The following PDE3A variants were observed in gnomAD, a reference collection of about 807,000 sequenced individuals.
PDE3A encodes the protein cGMP-inhibited 3',5'-cyclic phosphodiesterase 3A.
Under a neutral mutation model 98.3 loss-of-function variants are expected in PDE3A, and 43 were observed. The observed-to-expected ratio is 0.44, with a 90% confidence interval of 0.34 to 0.56. The LOEUF (loss-of-function observed/expected upper bound fraction) is 0.56. PDE3A is among the 20% of genes least tolerant of loss of function. The pLI, the probability that PDE3A is intolerant of heterozygous loss-of-function variation, is 0.01. For synonymous variants in PDE3A, 663 were observed against 567.9 expected, an observed-to-expected ratio of 1.17 and a Z score of -2.38; for missense variants, 1,427 against 1,440.7, an observed-to-expected ratio of 0.99 and a Z score of 0.15.
At chr12:20,627,879 G>C (rs901759906) in intron 5 of PDE3A, among the ~76,000 whole-genome samples, 1 of 152,096 alleles carries the variant, frequency 6.6e-6, no homozygotes, top group Non-Finnish European at 1.5e-5. Flanking sequence ...CATCATACTA[G>C]GATTCAGCTC....
chr12:20,615,586 A>C (rs1347957103), intron 3 of PDE3A, among the ~76,000 whole-genome samples: 2 of 152,162 alleles, frequency 1.3e-5, no homozygotes, highest in African/African-American at 2.4e-5. Flanking sequence ...TCTCATAATA[A>C]CTAATATGTG....
At chr12:20,638,849 T>C (rs1944579642) in intron 9 of PDE3A, among the ~76,000 whole-genome samples, 1 of 152,236 alleles carries the variant, frequency 6.6e-6, no homozygotes, top group Admixed American at 6.5e-5. Context: ...ATAGTAACTT[T>C]AGTGCAGGTT....
intron 1 of PDE3A, among the ~76,000 whole-genome samples, chr12:20,409,836 T>C (rs180908007): frequency 1.6e-4 from 24 of 152,334 alleles, no homozygotes; most frequent in Admixed American, 1.4e-3. Flanking sequence ...CTATTTGTTA[T>C]TGCGCATTCA....
intron 1 of PDE3A, among the ~76,000 whole-genome samples, chr12:20,464,873 GA>G (rs143327957): frequency 0.048 from 7,330 of 152,114 alleles, 207 homozygotes; most frequent in South Asian, 0.069. Flanking sequence ...TTTATAGAGA[GA>G]AAAACAGATA....
At position 20,682,667 on chromosome 12, in the gene PDE3A, T is replaced by C. The variant is rs1395468283; in HGVS notation, c.*2396T>C. 6.6e-6 allele frequency: 1 copy of C among 152,220 alleles called. No individual in the cohort carries two copies. Among genetic ancestry groups the C allele is most frequent in the East Asian group, 1.9e-4 (1 of 5,196 alleles). The allele number at this position is 152,220 out of a possible 1,614,324, so 9.4% of individuals were successfully genotyped here. A position where few individuals can be genotyped will look rare whatever the true frequency, so the allele number is the denominator to read the frequency against. On this transcript the variant is annotated 3_prime_UTR_variant, in exon 16 of 16. Coordinates refer to ENST00000359062, the MANE Select transcript of PDE3A (RefSeq NM_000921.5). ...TGTGTATCTCCATGTTTGCAAAAAT[T>C]ACTATAAGTCAAATTTTGCCAGTGA...
intron 15 of PDE3A, among the ~76,000 whole-genome samples, chr12:20,655,919 C>T (rs970311344): frequency 2.6e-5 from 4 of 152,264 alleles, no homozygotes; most frequent in South Asian, 2.1e-4. Flanking sequence ...CAGTGACAAC[C>T]TATCACATGT....
intron 8 of PDE3A, among the ~76,000 whole-genome samples, chr12:20,635,790 A>C (rs926625649): frequency 6.6e-6 from 1 of 151,488 alleles, no homozygotes; most frequent in African/African-American, 2.4e-5. Flanking sequence ...TCTCTGAAAC[A>C]TGAGATTTAC....
chr12:20,668,561 A>G (rs1426478457), intron 15 of PDE3A, among the ~76,000 whole-genome samples: 12 of 152,298 alleles, frequency 7.9e-5, no homozygotes, highest in Non-Finnish European at 1.2e-4. Flanking sequence ...GAGCAGCCTA[A>G]CTGGGAGGCA....
chr12:20,371,566 G>A (rs1943476270), intron 1 of PDE3A: 10 of 515,422 alleles, frequency 1.9e-5, no homozygotes, highest in Admixed American at 1.9e-4. Context: ...TGGCTAGTTG[G>A]TTTCTGAAAT....
intron 6 of PDE3A, among the ~76,000 whole-genome samples, chr12:20,631,635 C>T (rs1452882743): frequency 6.6e-6 from 1 of 151,324 alleles, no homozygotes; most frequent in African/African-American, 2.4e-5. Context: ...AATAAGTCCC[C>T]TAAAGAAAGG....
intron 1 of PDE3A, among the ~76,000 whole-genome samples, chr12:20,519,952 C>A (rs537380707): frequency 1.3e-5 from 2 of 152,140 alleles, no homozygotes; most frequent in Non-Finnish European, 2.9e-5. Flanking sequence ...ACTCCTCCAA[C>A]GTAGATGTCC....
At chr12:20,450,432 A>G (rs926384165) in intron 1 of PDE3A, among the ~76,000 whole-genome samples, 3 of 152,246 alleles carry the variant, frequency 2.0e-5, no homozygotes, top group Admixed American at 6.5e-5. Flanking sequence ...CTAGGTAAAA[A>G]TAAATTTTCA....
Position 20,453,789 on chromosome 12 carries a change from C to T in PDE3A, c.960+83545C>T, listed in dbSNP as rs955832145. On this transcript the variant is annotated intron_variant, in intron 1 of 15. Transcript: ENST00000359062. Reference sequence around the variant, plus strand: ...GTTTCTCTTACATCTCAGATTCGATCTATCTGAAAATTTTATTCCACCTGA... The same window carrying T: ...GTTTCTCTTACATCTCAGATTCGATTTATCTGAAAATTTTATTCCACCTGA... Among the ~76,000 whole-genome samples, 12 of 152,246 alleles carry T rather than the reference C, an allele frequency of 7.9e-5. No homozygotes were observed. The South Asian group carries it at 2.5e-3, about 32-fold the overall frequency.
intron 15 of PDE3A, among the ~76,000 whole-genome samples, chr12:20,671,323 C>T (rs4259876): frequency 6.6e-6 from 1 of 150,926 alleles, no homozygotes; most frequent in African/African-American, 2.5e-5. Context: ...AATAGAAAAA[C>T]AGGGAATCCT....
intron 15 of PDE3A, among the ~76,000 whole-genome samples, chr12:20,678,237 C>T (rs1389778833): frequency 1.3e-5 from 2 of 152,214 alleles, no homozygotes; most frequent in Admixed American, 6.5e-5. Context: ...TAGGGAGCCT[C>T]TCTAGGCTCA....
At chr12:20,619,920 A>T (rs949155862) in intron 4 of PDE3A, among the ~76,000 whole-genome samples, 1 of 152,076 alleles carries the variant, frequency 6.6e-6, no homozygotes, top group Admixed American at 6.6e-5. Context: ...CAAATTACAC[A>T]TCTTACCCAT....
intron 2 of PDE3A, among the ~76,000 whole-genome samples, chr12:20,581,028 G>C (rs1943049150): frequency 6.6e-6 from 1 of 152,140 alleles, no homozygotes; most frequent in Admixed American, 6.5e-5. Flanking sequence ...CTCTAGGTTT[G>C]TTTAATTACT....
chr12:20,637,231 TAGTC>T lies in PDE3A; in HGVS notation c.2136_2139del (p.Ser712ArgfsTer24). ...TAGGAAGAAAATGTGGCCGTATTCT[TAGTC>T]AGGTAAGAAATGCATTCATTCACAC... On this transcript the variant is annotated frameshift_variant and splice_region_variant, in exon 9 of 16. Transcript: ENST00000359062. LOFTEE classifies it high-confidence loss of function. The T allele has an allele frequency of 6.2e-7, 1 of 1,606,010 alleles. No homozygotes were observed. The highest frequency in any genetic ancestry group is 8.5e-7 in the Non-Finnish European group (1 of 1,174,554).
In PDE3A at chr12:20,654,221, T is replaced by C. The variant is rs778168337; in HGVS notation, c.3184+16T>C. 3 of 1,612,380 alleles carry C rather than the reference T, an allele frequency of 1.9e-6. No individual in the cohort carries two copies. The highest frequency in any genetic ancestry group is 2.5e-6 in the Non-Finnish European group (3 of 1,178,670). ...GAATCTCCAAGTAAGTTCTAAAACC[T>C]AGTTCTAATGTGTTTTCCCTGGGAT... is the stretch of plus-strand genomic sequence containing the variant. On this transcript the variant is annotated intron_variant, in intron 15 of 15. Coordinates refer to ENST00000359062, the MANE Select transcript of PDE3A (RefSeq NM_000921.5).
Sources: gnomAD v4.1 joint callset for allele counts (sites outside exome capture counted in the v4.1 genomes callset) on GRCh38, gnomAD v4.1.1 for gene constraint, MANE v1.5 for transcripts, NCBI Gene and HGNC (gene_info 2026-07-23, HGNC 2026-07-21) for gene names.